The following SGPL1 variants were observed in gnomAD, a reference collection of about 807,000 sequenced individuals.
The protein encoded by SGPL1 is SP-lyase 1.
In SGPL1, 37 loss-of-function variants were observed where a neutral mutation model predicts 68.9. The ratio of observed to expected loss-of-function variants is 0.54; its 90% confidence interval spans 0.41 to 0.71. The LOEUF (loss-of-function observed/expected upper bound fraction) is 0.71. SGPL1 is among the 30% of genes least tolerant of loss of function. SGPL1 has a pLI of 0.00. For synonymous variants in SGPL1, 236 were observed against 248.5 expected, an observed-to-expected ratio of 0.95 and a Z score of 0.47; for missense variants, 551 against 704.6, an observed-to-expected ratio of 0.78 and a Z score of 2.47.
chr10:70,877,776 T>G lies in SGPL1; in HGVS notation c.*441T>G. 1 of 152,082 alleles carries G rather than the reference T, an allele frequency of 6.6e-6. No homozygotes were observed. Among genetic ancestry groups the G allele is most frequent in the Non-Finnish European group, 1.5e-5 (1 of 68,704 alleles). 9.4% of individuals were successfully genotyped at this position (152,082 alleles called of 1,614,324 possible). A position where few individuals can be genotyped will look rare whatever the true frequency, so the allele number is the denominator to read the frequency against. ...TTCCTCAGCTGGGTGTGAGGTATAC[T>G]CTAAGCAGGAGGCTTTTTCAGCCTT... On this transcript the variant is annotated 3_prime_UTR_variant, in exon 15 of 15. Coordinates refer to ENST00000373202, the MANE Select transcript of SGPL1 (RefSeq NM_003901.4).
chr10:70,824,550 T>C (rs1845397464), intron 2 of SGPL1, among the ~76,000 whole-genome samples: 1 of 152,200 alleles, frequency 6.6e-6, no homozygotes, highest in African/African-American at 2.4e-5. Flanking sequence ...AACTATCTTC[T>C]TATAAATTAA....
At chr10:70,850,213 C>T (rs1262504614) in intron 3 of SGPL1, among the ~76,000 whole-genome samples, 1 of 152,092 alleles carries the variant, frequency 6.6e-6, no homozygotes, top group Non-Finnish European at 1.5e-5. Flanking sequence ...CAGGGTCTCA[C>T]TGTGTTGCCC....
chr10:70,840,698 C>A (rs1405588200), intron 2 of SGPL1, among the ~76,000 whole-genome samples: 1 of 152,074 alleles, frequency 6.6e-6, no homozygotes, highest in African/African-American at 2.4e-5. Context: ...TTTAAAGGAC[C>A]TCCTTTGAAT....
Position 70,872,495 on chromosome 10 carries a change from G to A in SGPL1, c.1059+509G>A, listed in dbSNP as rs116338757. Reference sequence around the variant, plus strand: ...AACATTCAGCATTTGAGATGGCCACGCCTGCCACCCTTGGTGGACTGAGAC... The same window carrying A: ...AACATTCAGCATTTGAGATGGCCACACCTGCCACCCTTGGTGGACTGAGAC... On this transcript the variant is annotated intron_variant, in intron 11 of 14. Coordinates refer to ENST00000373202, the MANE Select transcript of SGPL1 (RefSeq NM_003901.4). 8.4e-3 allele frequency among the ~76,000 whole-genome samples: 1,284 copies of A among 152,312 alleles called. 27 individuals are homozygous for A. The highest frequency in any genetic ancestry group is 0.029 in the African/African-American group (1,222 of 41,568).
intron 2 of SGPL1, among the ~76,000 whole-genome samples, chr10:70,837,822 C>T (rs1278578957): frequency 5.9e-5 from 9 of 152,090 alleles, no homozygotes; most frequent in Non-Finnish European, 1.0e-4. Flanking sequence ...TTATTTGGCT[C>T]GTGGTTCTAG....
chr10:70,861,941 C>T (rs941407495), intron 7 of SGPL1, among the ~76,000 whole-genome samples: 2 of 152,246 alleles, frequency 1.3e-5, no homozygotes, highest in African/African-American at 4.8e-5. Flanking sequence ...CCGTGGGCTC[C>T]TGTGTGGCCC....
At position 70,876,575 on chromosome 10, in the gene SGPL1, A is replaced by G. The variant is rs1351734448; in HGVS notation, c.1480A>G (p.Lys494Glu). The change falls in exon 14 of 15, where the codon AAA becomes GAA. Residue 494 changes from lysine to glutamate, a missense_variant. Coordinates refer to ENST00000373202, the MANE Select transcript of SGPL1 (RefSeq NM_003901.4). ...HFCITLLHAR[K>E]RVAIQFLKDI... ...CTGCATCACATTACTACACGCCCGG[A>G]AACGAGTAGCTATACAATTCCTAAA... is the stretch of plus-strand genomic sequence containing the variant. 4 of 1,612,768 alleles carry G rather than the reference A, an allele frequency of 2.5e-6. No individual in the cohort carries two copies. The highest frequency in any genetic ancestry group is 3.4e-6 in the Non-Finnish European group (4 of 1,178,984).
At position 70,871,822 on chromosome 10, in the gene SGPL1, G is replaced by A; in HGVS notation, c.910-15G>A. The A allele has an allele frequency of 6.2e-7, 1 of 1,611,656 alleles. No homozygotes were observed. The highest frequency in any genetic ancestry group is 8.5e-7 in the Non-Finnish European group (1 of 1,179,040). On this transcript the variant is annotated splice_polypyrimidine_tract_variant and intron_variant, in intron 10 of 14. Transcript: ENST00000373202. ...TAAAGGAAATTCTCTTATGTTCTTT[G>A]TTTTTTGGAACAAGCTGGCTGTCAA...
chr10:70,875,920 GGCCTGCTACT>G (rs1846376540), intron 13 of SGPL1, among the ~76,000 whole-genome samples: 1 of 152,158 alleles, frequency 6.6e-6, no homozygotes, highest in African/African-American at 2.4e-5. Flanking sequence ...TAATCATTCA[GGCCTGCTACT>G]GCCTTCTTTA....
chr10:70,852,727 TGC>T (rs1554837914), intron 4 of SGPL1, among the ~76,000 whole-genome samples: 2 of 109,558 alleles, frequency 1.8e-5, no homozygotes, highest in Non-Finnish European at 4.0e-5. Flanking sequence ...TGTGTGTGTG[TGC>T]GCGCGCACGC....
At chr10:70,876,181 C>T (rs1846381416) in intron 13 of SGPL1, among the ~76,000 whole-genome samples, 3 of 152,130 alleles carry the variant, frequency 2.0e-5, no homozygotes, top group African/African-American at 7.2e-5. Context: ...GCCATGTGGC[C>T]CTGTCCCCAT....
intron 9 of SGPL1, among the ~76,000 whole-genome samples, chr10:70,870,684 A>T (rs1846277073): frequency 6.6e-6 from 1 of 152,158 alleles, no homozygotes; most frequent in African/African-American, 2.4e-5. Flanking sequence ...TGAAGCTGTT[A>T]TATTATTGTA....
At chr10:70,847,729 T>G (rs150646890) in intron 3 of SGPL1, among the ~76,000 whole-genome samples, 189 of 152,330 alleles carry the variant, frequency 1.2e-3, no homozygotes, top group African/African-American at 4.5e-3. Context: ...TAGACACAGA[T>G]AAGAATGTCT....
chr10:70,871,063 A>G lies in SGPL1; in HGVS notation c.826A>G (p.Ile276Val). 2 of 1,613,582 alleles carry G rather than the reference A, an allele frequency of 1.2e-6. No homozygotes were observed. Among genetic ancestry groups the G allele is most frequent in the Non-Finnish European group, 1.7e-6 (2 of 1,179,476 alleles). ...EVDVRAMRRAISRNTAMLVCS... is the reference protein window; with the variant it reads ...EVDVRAMRRAVSRNTAMLVCS... ...AAATCCCTAGGCAATGAGAAGAGCT[A>G]TCTCCAGGAACACTGCCATGCTCGT... Residue 276 changes from isoleucine to valine, a missense_variant, in exon 10 of 15, where the codon ATC becomes GTC. Ile to Val is a conservative substitution (Grantham distance 29). Coordinates refer to ENST00000373202, the MANE Select transcript of SGPL1 (RefSeq NM_003901.4).
chr10:70,854,431 T>G (rs1845930982), intron 4 of SGPL1, among the ~76,000 whole-genome samples: 1 of 152,168 alleles, frequency 6.6e-6, no homozygotes. Context: ...CACCTCGGCT[T>G]CCTGAAGAGC....
At chr10:70,863,539 C>G (rs1358782259) in intron 7 of SGPL1, among the ~76,000 whole-genome samples, 1 of 151,590 alleles carries the variant, frequency 6.6e-6, no homozygotes, top group Non-Finnish European at 1.5e-5. Context: ...CCTAGGGATT[C>G]TTTGAGGCCT....
intron 14 of SGPL1, 131 bp downstream of exon 14, chr10:70,876,792 T>G: frequency 2.5e-6 from 2 of 811,912 alleles, no homozygotes; most frequent in East Asian, 5.0e-5. Context: ...ATTTGTTGAC[T>G]GGAGCTGATG....
At chr10:70,851,752 A>G (rs1845885982) in intron 4 of SGPL1, among the ~76,000 whole-genome samples, 1 of 152,200 alleles carries the variant, frequency 6.6e-6, no homozygotes, top group African/African-American at 2.4e-5. Context: ...TCTGTAGGCC[A>G]TATCATTTCT....
intron 2 of SGPL1, among the ~76,000 whole-genome samples, chr10:70,826,762 T>A (rs1424338205): frequency 3.9e-5 from 6 of 152,152 alleles, no homozygotes; most frequent in Admixed American, 2.6e-4. Context: ...TGTTTTTTTT[T>A]AAACTTGATG....
Sources: gnomAD v4.1 joint callset for allele counts (sites outside exome capture counted in the v4.1 genomes callset) on GRCh38, gnomAD v4.1.1 for gene constraint, MANE v1.5 for transcripts, NCBI Gene and HGNC (gene_info 2026-07-23, HGNC 2026-07-21) for gene names.